RANBP17: variants seen among roughly 807,000 people sequenced by gnomAD.
The protein encoded by RANBP17 is RAN binding protein 17, also known as ran-binding protein 17.
RANBP17 carries 158 observed loss-of-function variants against 141.2 expected under a neutral mutation model. That is an observed-to-expected ratio of 1.12 (90% confidence interval 0.98 to 1.28). RANBP17 has a LOEUF of 1.28. RANBP17 is among the 50% of genes most tolerant of loss of function. The pLI, the probability that RANBP17 is intolerant of heterozygous loss-of-function variation, is 0.00. For missense variants in RANBP17, 1,438 were observed against 1,290.7 expected (o/e 1.11, Z -1.75); for synonymous variants, 430 against 450.0 (o/e 0.96, Z 0.56).
chr5:170,997,354 C>T (rs1257828505), intron 14 of RANBP17, among the ~76,000 whole-genome samples: 3 of 152,122 alleles, frequency 2.0e-5, no homozygotes, highest in Non-Finnish European at 4.4e-5. Flanking sequence ...ATCCAGCGTC[C>T]TGTATCCCTC....
intron 12 of RANBP17, among the ~76,000 whole-genome samples, chr5:170,945,917 G>T (rs374213107): frequency 1.4e-4 from 21 of 152,142 alleles, no homozygotes; most frequent in African/African-American, 4.8e-4. Context: ...ACAGTTCAGG[G>T]TTAGGACTCA....
intron 2 of RANBP17, among the ~76,000 whole-genome samples, chr5:170,878,795 C>T (rs368391950): frequency 6.6e-6 from 1 of 152,148 alleles, no homozygotes; most frequent in African/African-American, 2.4e-5. Flanking sequence ...AGCTATGAAA[C>T]GATTGCAGTA....
chr5:171,285,257 C>A (rs921029146), intron 25 of RANBP17, among the ~76,000 whole-genome samples: 1 of 152,188 alleles, frequency 6.6e-6, no homozygotes, highest in Non-Finnish European at 1.5e-5. Context: ...GCACATGTGC[C>A]TGTGTTAGTC....
intron 19 of RANBP17, among the ~76,000 whole-genome samples, chr5:171,205,174 G>A (rs1179306596): frequency 6.6e-6 from 1 of 152,126 alleles, no homozygotes; most frequent in Non-Finnish European, 1.5e-5. Context: ...AAGATTTGCT[G>A]TTATTAAATA....
At chr5:171,143,003 A>T (rs990290806) in intron 14 of RANBP17, among the ~76,000 whole-genome samples, 2 of 152,220 alleles carry the variant, frequency 1.3e-5, no homozygotes, top group East Asian at 1.9e-4. Flanking sequence ...TTTTATTTTT[A>T]AAATCTATTT....
intron 11 of RANBP17, among the ~76,000 whole-genome samples, chr5:170,921,839 C>T (rs1772492004): frequency 6.6e-6 from 1 of 152,198 alleles, no homozygotes; most frequent in South Asian, 2.1e-4. Context: ...ACTCATCAAA[C>T]TCAGTCTCCG....
chr5:171,027,785 G>T (rs991332590), intron 14 of RANBP17, among the ~76,000 whole-genome samples: 5 of 151,862 alleles, frequency 3.3e-5, no homozygotes, highest in African/African-American at 1.2e-4. Flanking sequence ...GTTTTTCCTG[G>T]TTATTTTGTA....
intron 14 of RANBP17, among the ~76,000 whole-genome samples, chr5:171,011,387 A>G (rs940878559): frequency 5.9e-5 from 9 of 152,054 alleles, no homozygotes; most frequent in Non-Finnish European, 1.2e-4. Context: ...TAGTACTTGT[A>G]TAATGGGTAG....
At chr5:170,932,888 T>G (rs1773518087) in intron 12 of RANBP17, among the ~76,000 whole-genome samples, 1 of 152,190 alleles carries the variant, frequency 6.6e-6, no homozygotes. Context: ...TTGTTGTGTC[T>G]CTACCAGGCT....
chr5:171,266,778 G>A (rs1349688545), intron 25 of RANBP17, among the ~76,000 whole-genome samples: 1 of 151,980 alleles, frequency 6.6e-6, no homozygotes, highest in Non-Finnish European at 1.5e-5. Flanking sequence ...CAGGCGTGGT[G>A]GTGCTCACCT....
At chr5:171,207,529 T>G (rs1012640529) in intron 20 of RANBP17, 3 of 152,226 alleles carry the variant, frequency 2.0e-5, no homozygotes, top group African/African-American at 7.2e-5. Context: ...TGTTTTCTTG[T>G]GAACTAGAAA....
chr5:171,173,680 A>G (rs1405425474), intron 16 of RANBP17, among the ~76,000 whole-genome samples: 2 of 152,146 alleles, frequency 1.3e-5, no homozygotes, highest in African/African-American at 4.8e-5. Context: ...GCCTTAAAGC[A>G]GTAGTCTCAG....
At chr5:170,914,511 C>T (rs914308080) in intron 8 of RANBP17, among the ~76,000 whole-genome samples, 3 of 152,098 alleles carry the variant, frequency 2.0e-5, no homozygotes, top group African/African-American at 7.2e-5. Flanking sequence ...TCCCTAAATA[C>T]ATATTTTTTT....
At position 170,879,422 on chromosome 5, in the gene RANBP17, C is replaced by G. The variant is rs143225515; in HGVS notation, c.165+1179C>G. The stretch of plus-strand genomic sequence containing the variant: ...TTTGCATCAAGATCTGAAGCTGGAG[C>G]TGTAGTTGAAGCTCAGAAAATATAT... On this transcript the variant is annotated intron_variant, in intron 2 of 27. Transcript: ENST00000523189. 4.1e-4 allele frequency among the ~76,000 whole-genome samples: 63 copies of G among 152,266 alleles called. 1 individual carries two copies. In the South Asian group the frequency reaches 0.013, roughly 31 times the overall value.
chr5:171,159,704 G>A (rs1417024930), intron 14 of RANBP17, among the ~76,000 whole-genome samples: 1 of 151,942 alleles, frequency 6.6e-6, no homozygotes, highest in East Asian at 1.9e-4. Context: ...GGTGGATCAC[G>A]AGGTCAGGAG....
chr5:171,080,758 A>G (rs1160225652), intron 14 of RANBP17, among the ~76,000 whole-genome samples: 3 of 152,218 alleles, frequency 2.0e-5, no homozygotes, highest in African/African-American at 7.2e-5. Flanking sequence ...CATGCACACA[A>G]TGAATCGCTG....
chr5:170,967,756 A>G (rs953158744), intron 13 of RANBP17, among the ~76,000 whole-genome samples: 6 of 151,792 alleles, frequency 4.0e-5, no homozygotes, highest in African/African-American at 1.4e-4. Flanking sequence ...GCAGGATATA[A>G]CTTTTGTTAG....
chr5:171,064,057 C>T (rs1784121247), intron 14 of RANBP17, among the ~76,000 whole-genome samples: 2 of 152,236 alleles, frequency 1.3e-5, no homozygotes, highest in South Asian at 2.1e-4. Flanking sequence ...TTTCCAGGTG[C>T]TGTTTGTCAC....
At chr5:171,054,832 C>A (rs1413685789) in intron 14 of RANBP17, among the ~76,000 whole-genome samples, 1 of 152,110 alleles carries the variant, frequency 6.6e-6, no homozygotes, top group Non-Finnish European at 1.5e-5. Flanking sequence ...TGTAGAGGGA[C>A]AATGATGCAT....
Sources: gnomAD v4.1 joint callset for allele counts (sites outside exome capture counted in the v4.1 genomes callset) on GRCh38, gnomAD v4.1.1 for gene constraint, MANE v1.5 for transcripts, NCBI Gene and HGNC (gene_info 2026-07-23, HGNC 2026-07-21) for gene names.